Variants in NPEPPS observed in about 807,000 individuals in gnomAD.
NPEPPS encodes aminopeptidase puromycin sensitive.
Under a neutral mutation model 115.5 loss-of-function variants are expected in NPEPPS, and 14 were observed. That is an observed-to-expected ratio of 0.12 (90% confidence interval 0.08 to 0.19). The LOEUF is 0.19. NPEPPS is among the 10% of genes least tolerant of loss of function. The probability of loss-of-function intolerance (pLI) is 1.00; values close to 1 mark genes in which losing one functional copy is unlikely to be tolerated. For synonymous variants in NPEPPS, 285 were observed against 390.6 expected (o/e 0.73, Z 3.19); for missense variants, 523 against 1,110.8 (o/e 0.47, Z 7.52).
At chr17:47,543,418 A>G (rs1402350729) in intron 1 of NPEPPS, among the ~76,000 whole-genome samples, 2 of 151,488 alleles carry the variant, frequency 1.3e-5, no homozygotes, top group African/African-American at 4.8e-5. Context: ...CCTGGGTTCA[A>G]GTGATTCTCC....
At chr17:47,562,611 T>A (rs959663040) in intron 2 of NPEPPS, among the ~76,000 whole-genome samples, 15 of 139,950 alleles carry the variant, frequency 1.1e-4, no homozygotes, top group African/African-American at 3.3e-4. Flanking sequence ...ATGCAGAGTG[T>A]GTGTGTGTGT....
intron 1 of NPEPPS, among the ~76,000 whole-genome samples, chr17:47,540,468 C>G (rs1908667466): frequency 6.6e-6 from 1 of 152,172 alleles, no homozygotes; most frequent in South Asian, 2.1e-4. Context: ...ATGTACTACA[C>G]CATCAGGTCA....
At chr17:47,535,570 A>T (rs1597808229) in intron 1 of NPEPPS, among the ~76,000 whole-genome samples, 1 of 141,452 alleles carries the variant, frequency 7.1e-6, no homozygotes. Flanking sequence ...AAAAAAAAAA[A>T]TTAGTTGTCT....
chr17:47,598,415 G>A (rs6505049), intron 13 of NPEPPS, among the ~76,000 whole-genome samples: 60,755 of 152,036 alleles, frequency 0.4, 13,048 homozygotes, highest in East Asian at 0.55. Flanking sequence ...TGTGAAGGCT[G>A]CAGTGAGCTG....
intron 19 of NPEPPS, among the ~76,000 whole-genome samples, chr17:47,616,039 C>G (rs1164444163): frequency 6.6e-6 from 1 of 152,098 alleles, no homozygotes. Context: ...TAACAGTTCT[C>G]TATGGAGGAA....
chr17:47,552,333 TAAAC>T (rs961511211), intron 2 of NPEPPS, among the ~76,000 whole-genome samples: 18 of 152,166 alleles, frequency 1.2e-4, no homozygotes, highest in Admixed American at 1.2e-3. Flanking sequence ...CATTCTCAAA[TAAAC>T]AACCCTTAAG....
At chr17:47,572,686 A>G (rs1191976459) in intron 3 of NPEPPS, among the ~76,000 whole-genome samples, 1 of 152,224 alleles carries the variant, frequency 6.6e-6, no homozygotes, top group African/African-American at 2.4e-5. Context: ...GAAAAAACAG[A>G]TAGAAAACAG....
Position 47,612,472 on chromosome 17 carries a change from C to T in NPEPPS, c.2108C>T (p.Ala703Val), listed in dbSNP as rs1913933484. 6.2e-7 allele frequency: 1 copy of T among 1,613,734 alleles called. No individual in the cohort carries two copies. Among genetic ancestry groups the T allele is most frequent in the South Asian group, 1.1e-5 (1 of 91,058 alleles). The change falls in exon 18 of 23, where the codon GCA becomes GTA. Residue 703 changes from alanine to valine, a missense_variant. This residue lies in a region of NPEPPS where 372 missense variants were observed against 542.6 expected (regional missense o/e 0.69). Coordinates refer to ENST00000322157, the MANE Select transcript of NPEPPS (RefSeq NM_006310.4). ...CTTCTCAAATCAGGTCATCTCGATG[C>T]ACTCCTGAGGGGCTTGGTTCTGGGA... ...DPKPGEGHLD[A>V]LLRGLVLGKL...
intron 17 of NPEPPS, among the ~76,000 whole-genome samples, chr17:47,607,051 G>C (rs1913560112): frequency 6.6e-6 from 1 of 152,028 alleles, no homozygotes; most frequent in African/African-American, 2.4e-5. Flanking sequence ...AAATTAGCCA[G>C]GTGTGGTGGC....
chr17:47,544,682 T>C (rs1294332490), intron 1 of NPEPPS, among the ~76,000 whole-genome samples: 1 of 150,838 alleles, frequency 6.6e-6, no homozygotes, highest in Non-Finnish European at 1.5e-5. Flanking sequence ...TATGGGCCTA[T>C]GCCACCTTGC....
chr17:47,530,241 C>G (rs1260370877), upstream of NPEPPS, among the ~76,000 whole-genome samples: 1 of 150,234 alleles, frequency 6.7e-6, no homozygotes, highest in East Asian at 2.0e-4. Context: ...CCGCGACCGC[C>G]CGAAACATCC....
intron 2 of NPEPPS, among the ~76,000 whole-genome samples, chr17:47,569,113 A>G (rs950377611): frequency 7.9e-5 from 12 of 152,120 alleles, no homozygotes; most frequent in Non-Finnish European, 1.8e-4. Context: ...GCAATATCAC[A>G]ATATCATAGT....
chr17:47,577,693 A>C (rs1911603694), intron 3 of NPEPPS, among the ~76,000 whole-genome samples: 2 of 152,176 alleles, frequency 1.3e-5, no homozygotes, highest in African/African-American at 4.8e-5. Context: ...TCTCAGAATG[A>C]TTAAGAATAT....
chr17:47,538,199 G>GTTGTTTTTTT (rs1292705804), intron 1 of NPEPPS, among the ~76,000 whole-genome samples: 1 of 72,346 alleles, frequency 1.4e-5, no homozygotes, highest in Non-Finnish European at 2.8e-5. Context: ...AGCCATATCT[G>GTTGTTTTTTT]TTCTTTTTTT....
At chr17:47,559,044 G>T (rs906032561) in intron 2 of NPEPPS, among the ~76,000 whole-genome samples, 1 of 134,608 alleles carries the variant, frequency 7.4e-6, no homozygotes, top group African/African-American at 2.8e-5. Flanking sequence ...TCTCAAAAAA[G>T]AGGAAAAAAA....
At chr17:47,610,361 T>A (rs1452656310) in intron 17 of NPEPPS, among the ~76,000 whole-genome samples, 1 of 152,082 alleles carries the variant, frequency 6.6e-6, no homozygotes, top group Non-Finnish European at 1.5e-5. Flanking sequence ...ATCTATGTTG[T>A]AGCATGTATC....
At chr17:47,604,818 A>C (rs1913419565) in intron 16 of NPEPPS, among the ~76,000 whole-genome samples, 1 of 152,220 alleles carries the variant, frequency 6.6e-6, no homozygotes, top group Admixed American at 6.5e-5. Flanking sequence ...TTAGTTCTGA[A>C]AGGACTTTGA....
intron 19 of NPEPPS, 25 bp downstream of exon 19, chr17:47,613,750 A>G: frequency 6.3e-7 from 1 of 1,577,704 alleles, no homozygotes; most frequent in African/African-American, 1.3e-5. Flanking sequence ...GAAGGCTCCC[A>G]TTTCCTGCTT....
intron 1 of NPEPPS, among the ~76,000 whole-genome samples, chr17:47,541,439 C>T (rs948814640): frequency 1.3e-5 from 2 of 151,266 alleles, no homozygotes; most frequent in Non-Finnish European, 2.9e-5. Flanking sequence ...TGCAATGGCG[C>T]GATTTCGGCT....
Sources: gnomAD v4.1 joint callset for allele counts (sites outside exome capture counted in the v4.1 genomes callset) on GRCh38, gnomAD v4.1.1 for gene constraint, gnomAD v4.1.1 regional missense constraint, MANE v1.5 for transcripts, NCBI Gene and HGNC (gene_info 2026-07-23, HGNC 2026-07-21) for gene names.